EPHA4: variants seen among roughly 807,000 people sequenced by gnomAD.
EPHA4 encodes the protein ephrin type-A receptor 4.
In EPHA4, 19 loss-of-function variants were observed where a neutral mutation model predicts 108.3. The ratio of observed to expected loss-of-function variants is 0.18; its 90% confidence interval spans 0.12 to 0.26. The LOEUF is 0.26. Among genes scored for constraint, EPHA4 ranks in the 10% least tolerant of loss-of-function variants. The probability of loss-of-function intolerance (pLI) is 1.00; values close to 1 mark genes in which losing one functional copy is unlikely to be tolerated. For missense variants in EPHA4, 917 were observed against 1,254.0 expected (o/e 0.73, Z 4.06); for synonymous variants, 449 against 455.5 (o/e 0.99, Z 0.18).
At chr2:221,447,640 A>G (rs1690633794) in intron 8 of EPHA4, among the ~76,000 whole-genome samples, 1 of 152,080 alleles carries the variant, frequency 6.6e-6, no homozygotes, top group Non-Finnish European at 1.5e-5. Flanking sequence ...TTTACACTGC[A>G]TTTAACTTTT....
chr2:221,464,837 CTT>C (rs1166120046), intron 5 of EPHA4, among the ~76,000 whole-genome samples: 2 of 152,086 alleles, frequency 1.3e-5, no homozygotes, highest in African/African-American at 4.8e-5. Context: ...AAAAGTGAAA[CTT>C]TTTAAAACAA....
intron 4 of EPHA4, among the ~76,000 whole-genome samples, chr2:221,495,065 C>T (rs1004209832): frequency 4.3e-5 from 6 of 141,100 alleles, no homozygotes; most frequent in African/African-American, 1.3e-4. Flanking sequence ...CTAAGGTGAA[C>T]ATTTACATTT....
intron 3 of EPHA4, among the ~76,000 whole-genome samples, chr2:221,507,578 G>A (rs983128059): frequency 2.6e-5 from 4 of 151,240 alleles, no homozygotes; most frequent in Non-Finnish European, 5.9e-5. Flanking sequence ...TTTAATTTCT[G>A]AGCCACTAAG....
At chr2:221,493,567 C>T (rs1257056917) in intron 4 of EPHA4, among the ~76,000 whole-genome samples, 2 of 152,190 alleles carry the variant, frequency 1.3e-5, no homozygotes, top group Non-Finnish European at 2.9e-5. Context: ...TCACACAGCA[C>T]CGGTCGAATC....
chr2:221,436,340 T>G, intron 13 of EPHA4, 59 bp downstream of exon 13: 17 of 1,534,158 alleles, frequency 1.1e-5, no homozygotes, highest in Non-Finnish European at 1.5e-5. Flanking sequence ...AATCTCAAAG[T>G]GAGAAGAGAG....
rs371869640 is a variant in EPHA4 at position 221,571,632 on chromosome 2, G to T, written c.91+526C>A. 2.0e-5 allele frequency among the ~76,000 whole-genome samples: 3 copies of T among 152,148 alleles called. No individual in the cohort carries two copies. Among genetic ancestry groups the T allele is most frequent in the Admixed American group, 6.5e-5 (1 of 15,284 alleles). On this transcript the variant is annotated intron_variant, in intron 1 of 17. Transcript: ENST00000281821. This position sits in a 1 kb window ranked among gnomAD's most constrained non-coding sequence, Gnocchi z 6.3. ...AGAAATCAGGTCACTGGCGCCTGAC[G>T]AGCGGCGCCACGACCGCTGCGCTGC... is the stretch of plus-strand genomic sequence containing the variant.
At chr2:221,437,331 A>G in intron 11 of EPHA4, 1 of 449,470 alleles carries the variant, frequency 2.2e-6, no homozygotes, top group Admixed American at 3.7e-5. Flanking sequence ...GGATAGTTAA[A>G]CCTTTGGGTG....
At chr2:221,430,321 C>A (rs1452779118) in intron 14 of EPHA4, among the ~76,000 whole-genome samples, 170 bp from the exon 15 acceptor site, 6 of 152,156 alleles carry the variant, frequency 3.9e-5, no homozygotes, top group African/African-American at 1.4e-4. Context: ...TCACTGGCAA[C>A]AGGAGAGGGA....
chr2:221,472,300 CAAAA>C (rs11397333), intron 5 of EPHA4, among the ~76,000 whole-genome samples: 5 of 115,804 alleles, frequency 4.3e-5, no homozygotes, highest in South Asian at 5.5e-4. Context: ...ACTTATTTTA[CAAAA>C]AAAAAAAAAA....
At chr2:221,555,057 G>A (rs1442271227) in intron 3 of EPHA4, among the ~76,000 whole-genome samples, 1 of 152,124 alleles carries the variant, frequency 6.6e-6, no homozygotes, top group African/African-American at 2.4e-5. Context: ...CAAGCCAAGG[G>A]ATTCACCAAG....
chr2:221,543,823 G>A (rs979072512), intron 3 of EPHA4, among the ~76,000 whole-genome samples: 18 of 152,150 alleles, frequency 1.2e-4, no homozygotes, highest in African/African-American at 3.1e-4. Flanking sequence ...TCCTGGTCAC[G>A]GGGGTGGAAG....
intron 14 of EPHA4, among the ~76,000 whole-genome samples, chr2:221,432,014 C>T (rs554759931): frequency 6.6e-6 from 1 of 151,996 alleles, no homozygotes; most frequent in African/African-American, 2.4e-5. Flanking sequence ...AACACAGAGA[C>T]AAATAATAGA....
At chr2:221,451,255 C>A (rs1487615225) in intron 8 of EPHA4, among the ~76,000 whole-genome samples, 1 of 152,144 alleles carries the variant, frequency 6.6e-6, no homozygotes, top group Non-Finnish European at 1.5e-5. Context: ...GGAAAAAACA[C>A]TGCCCTAAAA....
chr2:221,455,676 A>T lies in EPHA4; in HGVS notation c.1604-18T>A. On this transcript the variant is annotated intron_variant, in intron 7 of 17. Coordinates refer to ENST00000281821, the MANE Select transcript of EPHA4 (RefSeq NM_004438.5). The stretch of plus-strand genomic sequence containing the variant: ...GGAAGGCACTGGGAATGACAATTGC[A>T]TAAGGGTCACCTTTGGGAAAGTCTT... 1 of 1,580,300 alleles carries T rather than the reference A, an allele frequency of 6.3e-7. No individual in the cohort carries two copies. The highest frequency in any genetic ancestry group is 8.7e-7 in the Non-Finnish European group (1 of 1,150,290).
intron 3 of EPHA4, among the ~76,000 whole-genome samples, chr2:221,518,243 T>C (rs185340380): frequency 6.6e-6 from 1 of 152,246 alleles, no homozygotes; most frequent in Non-Finnish European, 1.5e-5. Flanking sequence ...GTCCTTATCC[T>C]CCAATGCAAA....
At chr2:221,474,199 AT>A (rs891495813) in intron 5 of EPHA4, among the ~76,000 whole-genome samples, 227 of 151,340 alleles carry the variant, frequency 1.5e-3, no homozygotes, top group African/African-American at 5.0e-3. Context: ...GCAGGCTTTT[AT>A]TTTTTTTTCT....
intron 5 of EPHA4, among the ~76,000 whole-genome samples, chr2:221,460,197 A>G (rs1016882562): frequency 1.3e-5 from 2 of 152,200 alleles, no homozygotes; most frequent in Non-Finnish European, 2.9e-5. Context: ...CATAAATGTG[A>G]AAATAAACCA....
chr2:221,538,778 G>A (rs1218899157), intron 3 of EPHA4, among the ~76,000 whole-genome samples: 1 of 152,148 alleles, frequency 6.6e-6, no homozygotes, highest in Non-Finnish European at 1.5e-5. Flanking sequence ...TATTCGGTGA[G>A]TATGCTTCAA....
intron 5 of EPHA4, among the ~76,000 whole-genome samples, chr2:221,478,093 G>T (rs1691711953): frequency 6.6e-6 from 1 of 152,014 alleles, no homozygotes; most frequent in Admixed American, 6.6e-5. Context: ...GGACCATAAT[G>T]ATTTAAAACG....
Sources: gnomAD v4.1 joint callset for allele counts (sites outside exome capture counted in the v4.1 genomes callset) on GRCh38, gnomAD v4.1.1 for gene constraint, Gnocchi (gnomAD v3.1) non-coding constraint, MANE v1.5 for transcripts, NCBI Gene and HGNC (gene_info 2026-07-23, HGNC 2026-07-21) for gene names.